The following FAT3 variants were observed in gnomAD, a reference collection of about 807,000 sequenced individuals.
FAT3 encodes FAT atypical cadherin 3.
A neutral mutation model predicts 310.2 loss-of-function variants in FAT3; 95 were observed. The observed-to-expected ratio is 0.31, with a 90% CI of 0.26 to 0.36. The LOEUF (loss-of-function observed/expected upper bound fraction) is 0.36, where lower values mean the gene tolerates loss of function less well. Among genes scored for constraint, FAT3 ranks in the 10% least tolerant of loss-of-function variants. The pLI, the probability that FAT3 is intolerant of heterozygous loss-of-function variation, is 1.00. For missense variants in FAT3, 5,408 were observed against 5,715.6 expected (o/e 0.95, Z 1.74); for synonymous variants, 2,314 against 2,192.9 (o/e 1.06, Z -1.54).
At chr11:92,833,338 T>C (rs999790190) in intron 14 of FAT3, among the ~76,000 whole-genome samples, 1 of 152,176 alleles carries the variant, frequency 6.6e-6, no homozygotes, top group Non-Finnish European at 1.5e-5. Flanking sequence ...AGTATGCACC[T>C]GTTGAACAAG....
At chr11:92,282,661 A>AGC (rs1591050124) in intron 1 of FAT3, among the ~76,000 whole-genome samples, 2 of 148,198 alleles carry the variant, frequency 1.3e-5, no homozygotes, top group Non-Finnish European at 3.0e-5. Flanking sequence ...AAAAAATAAA[A>AGC]AAAAAAAAAA....
intron 4 of FAT3, among the ~76,000 whole-genome samples, chr11:92,761,362 G>T (rs550788987): frequency 5.3e-5 from 8 of 152,230 alleles, no homozygotes; most frequent in Non-Finnish European, 1.0e-4. Context: ...CCACCTAAAG[G>T]CCCCACCTCC....
At chr11:92,724,445 C>T (rs1478663186) in intron 4 of FAT3, among the ~76,000 whole-genome samples, 1 of 152,128 alleles carries the variant, frequency 6.6e-6, no homozygotes, top group Non-Finnish European at 1.5e-5. Flanking sequence ...ATAAAATTCA[C>T]CTATTGATAG....
intron 1 of FAT3, among the ~76,000 whole-genome samples, chr11:92,319,352 T>C (rs1205964611): frequency 1.0e-5 from 1 of 96,124 alleles, no homozygotes; most frequent in East Asian, 2.3e-4. Context: ...ATGGGAAAAA[T>C]ACAAAGTGGT....
intron 3 of FAT3, among the ~76,000 whole-genome samples, chr11:92,570,605 GTAAGATTTGGGT>G (rs1394980614): frequency 8.5e-5 from 13 of 152,070 alleles, no homozygotes; most frequent in African/African-American, 3.1e-4. Context: ...AAACCTATAG[GTAAGATTTGGGT>G]ATTTATGTGC....
At chr11:92,474,138 C>T (rs1565344605) in intron 2 of FAT3, among the ~76,000 whole-genome samples, 1 of 152,082 alleles carries the variant, frequency 6.6e-6, no homozygotes, top group East Asian at 1.9e-4. Context: ...TCTTATAAAC[C>T]CTGTGCTGAG....
chr11:92,759,732 G>T (rs1946096107), intron 4 of FAT3, among the ~76,000 whole-genome samples: 2 of 152,096 alleles, frequency 1.3e-5, no homozygotes, highest in Admixed American at 6.5e-5. Flanking sequence ...AAGGATTTGG[G>T]TTTGTAAATC....
chr11:92,451,774 GA>G (rs1305582435), intron 2 of FAT3, among the ~76,000 whole-genome samples: 2 of 152,184 alleles, frequency 1.3e-5, no homozygotes, highest in East Asian at 3.8e-4. Flanking sequence ...TTATAGTGAA[GA>G]AGAAAGTTAA....
chr11:92,504,125 G>T (rs1335305599), intron 2 of FAT3, among the ~76,000 whole-genome samples: 1 of 152,070 alleles, frequency 6.6e-6, no homozygotes, highest in Non-Finnish European at 1.5e-5. Context: ...TTTTAGAGCA[G>T]CCATAACTGT....
chr11:92,862,889 C>T (rs1949155142), intron 21 of FAT3, among the ~76,000 whole-genome samples: 1 of 152,112 alleles, frequency 6.6e-6, no homozygotes, highest in African/African-American at 2.4e-5. Context: ...AATTGAATGA[C>T]TTGCTCAAAG....
At chr11:92,887,190 G>A (rs1399873102) in intron 25 of FAT3, 77 bp downstream of exon 25, 1 of 1,248,318 alleles carries the variant, frequency 8.0e-7, no homozygotes, top group Non-Finnish European at 1.1e-6. Flanking sequence ...GGAGGAGGGT[G>A]GTGCAACTGG....
intron 2 of FAT3, among the ~76,000 whole-genome samples, chr11:92,472,628 A>G (rs1400790851): frequency 6.6e-6 from 1 of 152,242 alleles, no homozygotes. Flanking sequence ...TATAGCATAC[A>G]GTACCATGAG....
intron 3 of FAT3, among the ~76,000 whole-genome samples, chr11:92,595,404 A>T (rs1939653007): frequency 6.6e-6 from 1 of 152,178 alleles, no homozygotes; most frequent in African/African-American, 2.4e-5. Flanking sequence ...ACGGAACAAA[A>T]AGTGTTTTAT....
At chr11:92,605,719 G>GTTTTTT (rs5793613) in intron 3 of FAT3, among the ~76,000 whole-genome samples, 43 of 99,736 alleles carry the variant, frequency 4.3e-4, no homozygotes, top group African/African-American at 1.3e-3. Context: ...AAATAGCTAT[G>GTTTTTT]TTTTTTTTTT....
intron 4 of FAT3, among the ~76,000 whole-genome samples, chr11:92,715,067 A>G (rs1944638205): frequency 6.6e-6 from 1 of 152,060 alleles, no homozygotes; most frequent in Non-Finnish European, 1.5e-5. Flanking sequence ...CCAAAAAAAA[A>G]AAGACTAAAA....
chr11:92,754,627 C>CAAAAAAAAAAAAAAAAAAAAAAA lies in FAT3; in HGVS notation c.3670-7211_3670-7210insAAAAAAAAAAAAAAAAAAAAAAA, dbSNP rs71064722. 7.6e-4 allele frequency among the ~76,000 whole-genome samples: 25 copies of CAAAAAAAAAAAAAAAAAAAAAAA among 32,704 alleles called. 1 individual carries two copies. Among genetic ancestry groups the CAAAAAAAAAAAAAAAAAAAAAAA allele is most frequent in the East Asian group, 3.9e-3 (4 of 1,018 alleles). 21.5% of individuals were successfully genotyped at this position (32,704 alleles called of 152,430 possible). ...TGGGCGACAGAGGAAGACTCTGCCT[C>CAAAAAAAAAAAAAAAAAAAAAAA]AAAAAAAAAAAAAAAAAAGGAGATA... On this transcript the variant is annotated intron_variant, in intron 4 of 27. Coordinates refer to ENST00000525166, the MANE Select transcript of FAT3 (RefSeq NM_001367949.2).
intron 17 of FAT3, 138 bp from the exon 18 acceptor site, chr11:92,840,424 C>T: frequency 1.4e-6 from 1 of 726,222 alleles, no homozygotes; most frequent in Non-Finnish European, 2.2e-6. Context: ...GGAATCCCTT[C>T]TGCTGAAAGC....
At chr11:92,726,272 ACTT>A (rs1385535218) in intron 4 of FAT3, among the ~76,000 whole-genome samples, 3 of 152,162 alleles carry the variant, frequency 2.0e-5, no homozygotes, top group Non-Finnish European at 4.4e-5. Context: ...GGAATAATCA[ACTT>A]CTTAAAAACT....
At chr11:92,325,964 C>T (rs1303326455) in intron 1 of FAT3, among the ~76,000 whole-genome samples, 5 of 152,144 alleles carry the variant, frequency 3.3e-5, no homozygotes, top group African/African-American at 9.7e-5. Context: ...GTGTATATTT[C>T]TTTTATGCAT....
Sources: allele counts gnomAD v4.1 joint callset (sites outside exome capture counted in the v4.1 genomes callset), GRCh38; gene constraint gnomAD v4.1.1; transcripts MANE v1.5; gene names NCBI Gene and HGNC (gene_info 2026-07-23, HGNC 2026-07-21).